Variants in TNFRSF10B observed in about 807,000 individuals in gnomAD.
The protein encoded by TNFRSF10B is TNF receptor superfamily member 10b.
In TNFRSF10B, 35 loss-of-function variants were observed where a neutral mutation model predicts 41.4. That is an observed-to-expected ratio of 0.85 (90% CI 0.65 to 1.12). The LOEUF (loss-of-function observed/expected upper bound fraction) is 1.12. Ranked by LOEUF, TNFRSF10B falls within the 50% of genes most tolerant of loss-of-function variation. The pLI is 0.00. For synonymous variants in TNFRSF10B, 230 were observed against 215.5 expected (o/e 1.07, Z -0.59); for missense variants, 584 against 552.7 (o/e 1.06, Z -0.57).
chr8:23,024,118 G>A (rs750410109), intron 8 of TNFRSF10B, 70 bp downstream of exon 8: 1 of 1,589,482 alleles, frequency 6.3e-7, no homozygotes, highest in African/African-American at 1.3e-5. Context: ...TCTGACCTCT[G>A]GGGACAGCAG....
intron 1 of TNFRSF10B, among the ~76,000 whole-genome samples, chr8:23,057,873 C>G (rs1812718072): frequency 1.3e-5 from 2 of 152,166 alleles, no homozygotes; most frequent in Admixed American, 6.5e-5. Flanking sequence ...ATAGCCACAG[C>G]AGTTTTCTTA....
intron 3 of TNFRSF10B, among the ~76,000 whole-genome samples, chr8:23,030,058 G>C (rs537444795): frequency 1.6e-4 from 25 of 152,306 alleles, no homozygotes; most frequent in African/African-American, 5.8e-4. Context: ...AGGAGCCCTT[G>C]GGGGACTTCC....
intron 7 of TNFRSF10B, among the ~76,000 whole-genome samples, chr8:23,025,425 A>G (rs182745712): frequency 6.6e-6 from 1 of 152,310 alleles, no homozygotes; most frequent in Admixed American, 6.5e-5. Flanking sequence ...TGTGGGCGGG[A>G]GGGGTACTAG....
intron 1 of TNFRSF10B, among the ~76,000 whole-genome samples, chr8:23,058,668 AG>A (rs1812739626): frequency 6.6e-6 from 1 of 152,062 alleles, no homozygotes; most frequent in South Asian, 2.1e-4. Context: ...TATTATTAGT[AG>A]AGATGGGGTT....
intron 4 of TNFRSF10B, among the ~76,000 whole-genome samples, chr8:23,029,385 G>A (rs560189826): frequency 4.6e-5 from 7 of 152,240 alleles, no homozygotes; most frequent in Non-Finnish European, 1.0e-4. Context: ...GGCCTTCTGT[G>A]GTCAGTGAAC....
chr8:23,026,760 A>G (rs914484651), intron 7 of TNFRSF10B, among the ~76,000 whole-genome samples: 1 of 152,214 alleles, frequency 6.6e-6, no homozygotes, highest in Non-Finnish European at 1.5e-5. Context: ...TGTTCAATGT[A>G]ATAACAATTT....
At chr8:23,044,000 A>G (rs978635887) in intron 1 of TNFRSF10B, among the ~76,000 whole-genome samples, 1 of 152,220 alleles carries the variant, frequency 6.6e-6, no homozygotes, top group African/African-American at 2.4e-5. Flanking sequence ...GTTGACAGAA[A>G]TGTTGTTATG....
intron 7 of TNFRSF10B, among the ~76,000 whole-genome samples, chr8:23,024,683 C>A (rs1282654810): frequency 6.6e-6 from 1 of 152,056 alleles, no homozygotes; most frequent in East Asian, 1.9e-4. Flanking sequence ...CCATGCCCAG[C>A]TAATTATTTT....
chr8:23,048,252 A>G (rs1812418848), intron 1 of TNFRSF10B, among the ~76,000 whole-genome samples: 2 of 152,072 alleles, frequency 1.3e-5, no homozygotes, highest in Admixed American at 6.5e-5. Context: ...CCTGGCCAAC[A>G]TGGTGAAACC....
At chr8:23,046,455 A>G (rs1263314908) in intron 1 of TNFRSF10B, among the ~76,000 whole-genome samples, 1 of 152,146 alleles carries the variant, frequency 6.6e-6, no homozygotes, top group Non-Finnish European at 1.5e-5. Flanking sequence ...AAAGAGACAC[A>G]AATGCATGAA....
chr8:23,051,213 A>AG lies in TNFRSF10B; in HGVS notation c.145-7971_145-7970insC, dbSNP rs1391482865. 3.3e-5 allele frequency among the ~76,000 whole-genome samples: 5 copies of AG among 152,346 alleles called. No homozygotes were observed. The East Asian group carries it at 9.6e-4, about 29-fold the overall frequency. On this transcript the variant is annotated intron_variant, in intron 1 of 8. Transcript: ENST00000276431. ...ATGGCTCAAAGAAAAAAGCACTTGA[A>AG]TAACAGAAAAAAGGAAAGACTAGTC... is the stretch of plus-strand genomic sequence containing the variant.
Position 23,021,669 on chromosome 8 carries a change from C to T in TNFRSF10B, c.*1002G>A, listed in dbSNP as rs762575410. 2.2e-6 allele frequency: 1 copy of T among 453,990 alleles called. No individual in the cohort carries two copies. The highest frequency in any genetic ancestry group is 4.4e-6 in the Non-Finnish European group (1 of 226,802). The allele number at this position is 453,990 out of a possible 1,614,324, so 28.1% of individuals were successfully genotyped here. On this transcript the variant is annotated 3_prime_UTR_variant, in exon 9 of 9. Transcript: ENST00000276431. ...CACAGGACTTCACGTGGATCCAGTT[C>T]TCTTTGGTCCCGACTCATATGTAAA...
At chr8:23,039,789 A>G (rs1451026749) in intron 2 of TNFRSF10B, among the ~76,000 whole-genome samples, 2 of 152,206 alleles carry the variant, frequency 1.3e-5, no homozygotes, top group African/African-American at 4.8e-5. Flanking sequence ...GGAGAGATGG[A>G]GTGGTACAGG....
At chr8:23,034,415 T>TAA (rs956312827) in intron 2 of TNFRSF10B, among the ~76,000 whole-genome samples, 2 of 151,912 alleles carry the variant, frequency 1.3e-5, no homozygotes, top group African/African-American at 4.8e-5. Flanking sequence ...TGCATTTACT[T>TAA]AAAAAAAATA....
chr8:23,052,499 G>T (rs1445285572), intron 1 of TNFRSF10B, among the ~76,000 whole-genome samples: 1 of 151,672 alleles, frequency 6.6e-6, no homozygotes, highest in Admixed American at 6.6e-5. Context: ...TGTCAGCCAG[G>T]ATGGTCTTGA....
chr8:23,027,502 C>A, intron 6 of TNFRSF10B: 2 of 783,800 alleles, frequency 2.6e-6, no homozygotes, highest in South Asian at 3.4e-5. Context: ...AGGGTGCAGG[C>A]TGTGGGGTGA....
At chr8:23,027,973 C>T (rs1563307115) in intron 5 of TNFRSF10B, 1 of 625,200 alleles carries the variant, frequency 1.6e-6, no homozygotes, top group Non-Finnish European at 2.8e-6. Context: ...ATCTCTGGTT[C>T]TGCTCTGACC....
chr8:23,066,855 C>A lies in TNFRSF10B; in HGVS notation c.144+1896G>T, dbSNP rs190314428. Among the ~76,000 whole-genome samples the A allele has an allele frequency of 8.9e-3, 1,359 of 152,194 alleles. 26 individuals are homozygous for A. The highest frequency in any genetic ancestry group is 0.031 in the African/African-American group (1,299 of 41,554). On this transcript the variant is annotated intron_variant, in intron 1 of 8. Coordinates refer to ENST00000276431, the MANE Select transcript of TNFRSF10B (RefSeq NM_003842.5). ...GAGGTTGCAGTGAGCTGAGATCCCA[C>A]CACTGCACTCCAGCCTAGGCGACAG...
At chr8:23,058,017 C>T (rs531359234) in intron 1 of TNFRSF10B, among the ~76,000 whole-genome samples, 10 of 152,120 alleles carry the variant, frequency 6.6e-5, no homozygotes, top group African/African-American at 2.4e-4. Context: ...GAGGCCGAGG[C>T]GGGCAGATCA....
Sources: allele counts gnomAD v4.1 joint callset (sites outside exome capture counted in the v4.1 genomes callset), GRCh38; gene constraint gnomAD v4.1.1; transcripts MANE v1.5; gene names NCBI Gene and HGNC (gene_info 2026-07-23, HGNC 2026-07-21).